The following NRG1 variants were observed in gnomAD, a reference collection of about 807,000 sequenced individuals.
NRG1 encodes neuregulin 1.
NRG1 carries 18 observed loss-of-function variants against 63.8 expected under a neutral mutation model. The observed-to-expected ratio is 0.28, with a 90% confidence interval of 0.19 to 0.42. The LOEUF (loss-of-function observed/expected upper bound fraction) is 0.42, where lower values mean the gene tolerates loss of function less well. Among genes scored for constraint, NRG1 ranks in the 10% least tolerant of loss-of-function variants. The pLI is 1.00. For missense variants in NRG1, 762 were observed against 814.7 expected, an observed-to-expected ratio of 0.94 and a Z score of 0.79; for synonymous variants, 302 against 301.3, an observed-to-expected ratio of 1.00 and a Z score of -0.02.
chr8:31,888,086 A>T (rs1444997253), intron 1 of NRG1, among the ~76,000 whole-genome samples: 1 of 151,864 alleles, frequency 6.6e-6, no homozygotes, highest in Non-Finnish European at 1.5e-5. Flanking sequence ...TATCAATATT[A>T]TACATGTGTT....
At chr8:32,503,076 G>A (rs1262239426) in intron 1 of NRG1, among the ~76,000 whole-genome samples, 9 of 151,820 alleles carry the variant, frequency 5.9e-5, no homozygotes, top group Admixed American at 4.6e-4. Context: ...ATGAGGTCAG[G>A]AGATGGAGAC....
chr8:32,253,932 C>A (rs1028309800), intron 1 of NRG1, among the ~76,000 whole-genome samples: 1 of 152,110 alleles, frequency 6.6e-6, no homozygotes, highest in Non-Finnish European at 1.5e-5. Context: ...GTGTATGTGT[C>A]TAGGAGTTTA....
chr8:32,117,131 GAC>G (rs1166023201), intron 1 of NRG1, among the ~76,000 whole-genome samples: 2 of 151,974 alleles, frequency 1.3e-5, no homozygotes, highest in African/African-American at 4.8e-5. Flanking sequence ...AACAGAGCGA[GAC>G]ACTGTCTCAA....
intron 1 of NRG1, among the ~76,000 whole-genome samples, chr8:32,385,739 C>T (rs940202087): frequency 1.3e-5 from 2 of 152,184 alleles, no homozygotes; most frequent in Non-Finnish European, 1.5e-5. Flanking sequence ...GCCCCATCTT[C>T]AACACTGGGA....
chr8:31,944,346 T>C (rs1271457544), intron 1 of NRG1, among the ~76,000 whole-genome samples: 1 of 152,200 alleles, frequency 6.6e-6, no homozygotes, highest in Non-Finnish European at 1.5e-5. Context: ...TCAAAGGTCA[T>C]ATGGAATACA....
At chr8:32,044,993 A>G (rs953889304) in intron 1 of NRG1, among the ~76,000 whole-genome samples, 3 of 151,282 alleles carry the variant, frequency 2.0e-5, no homozygotes, top group African/African-American at 7.3e-5. Flanking sequence ...TAAAACTGAA[A>G]TCAGAAAAAC....
At chr8:32,344,872 T>G in intron 1 of NRG1, among the ~76,000 whole-genome samples, 1 of 152,180 alleles carries the variant, frequency 6.6e-6, no homozygotes, top group East Asian at 1.9e-4. Flanking sequence ...TATTATGTAT[T>G]CTGCTCAGAA....
intron 5 of NRG1, among the ~76,000 whole-genome samples, chr8:32,713,434 C>G (rs1818308774): frequency 6.6e-6 from 1 of 152,060 alleles, no homozygotes; most frequent in Admixed American, 6.6e-5. Context: ...ATTTACCTTA[C>G]AAAACTGGCA....
chr8:32,494,680 T>C (rs1317343), intron 1 of NRG1, among the ~76,000 whole-genome samples: 20,800 of 152,116 alleles, frequency 0.14, 1,698 homozygotes, highest in Admixed American at 0.26. Flanking sequence ...AATATAAAAC[T>C]AAAAATGTGA....
At chr8:31,719,174 TCA>T (rs1289384153) in intron 1 of NRG1, among the ~76,000 whole-genome samples, 1 of 152,186 alleles carries the variant, frequency 6.6e-6, no homozygotes. Flanking sequence ...TAAAACTTGG[TCA>T]AACATCTATT....
At chr8:32,635,886 T>A (rs1011969053) in intron 5 of NRG1, among the ~76,000 whole-genome samples, 2 of 152,122 alleles carry the variant, frequency 1.3e-5, no homozygotes, top group Admixed American at 1.3e-4. Context: ...TTTTTTAGGG[T>A]GAAAGAGAAG....
intron 1 of NRG1, among the ~76,000 whole-genome samples, chr8:31,817,669 C>T (rs1469935692): frequency 1.3e-5 from 2 of 152,178 alleles, no homozygotes; most frequent in Non-Finnish European, 2.9e-5. Flanking sequence ...ACTTTCTCAG[C>T]ATTGAGGCAT....
chr8:32,141,255 C>A (rs1836212620), intron 1 of NRG1, among the ~76,000 whole-genome samples: 1 of 151,930 alleles, frequency 6.6e-6, no homozygotes, highest in Non-Finnish European at 1.5e-5. Flanking sequence ...AACAAGCTTG[C>A]TAAGGGGCGA....
chr8:32,437,197 A>T (rs1390933933), intron 1 of NRG1, among the ~76,000 whole-genome samples: 1 of 151,860 alleles, frequency 6.6e-6, no homozygotes, highest in Non-Finnish European at 1.5e-5. Context: ...CTACCTACCT[A>T]TTCATTGTCC....
intron 5 of NRG1, among the ~76,000 whole-genome samples, chr8:32,642,974 T>C (rs752218829): frequency 6.6e-6 from 1 of 152,240 alleles, no homozygotes; most frequent in Non-Finnish European, 1.5e-5. Context: ...CTTGAATTCA[T>C]AGCCTAGCTT....
chr8:31,840,341 T>C (rs1161152211), intron 1 of NRG1, among the ~76,000 whole-genome samples: 1 of 111,628 alleles, frequency 9.0e-6, no homozygotes, highest in Non-Finnish European at 1.9e-5. Context: ...AAATGTGCTA[T>C]TCTCTGTCTT....
chr8:32,594,035 C>T (rs1217916218), intron 1 of NRG1, among the ~76,000 whole-genome samples: 1 of 152,118 alleles, frequency 6.6e-6, no homozygotes, highest in Non-Finnish European at 1.5e-5. Flanking sequence ...TGTAGGGGTA[C>T]TGCTAAGAAA....
intron 1 of NRG1, among the ~76,000 whole-genome samples, chr8:32,574,121 G>A (rs995520862): frequency 4.6e-5 from 7 of 152,094 alleles, no homozygotes; most frequent in African/African-American, 7.2e-5. Flanking sequence ...ATACATGTGC[G>A]TGTGTCTTTA....
intron 5 of NRG1, among the ~76,000 whole-genome samples, chr8:32,623,862 C>T (rs4576389): frequency 7.2e-5 from 11 of 152,144 alleles, no homozygotes; most frequent in African/African-American, 2.7e-4. Context: ...AGGAGAGAAT[C>T]TAAAAAGTTT....
Sources: gnomAD v4.1 joint callset for allele counts (sites outside exome capture counted in the v4.1 genomes callset) on GRCh38, gnomAD v4.1.1 for gene constraint, MANE v1.5 for transcripts, NCBI Gene and HGNC (gene_info 2026-07-23, HGNC 2026-07-21) for gene names.